TSPAN19: variants seen among roughly 807,000 people sequenced by gnomAD.
TSPAN19 encodes the protein tetraspanin-19.
TSPAN19 carries 44 observed loss-of-function variants against 35.1 expected under a neutral mutation model. The observed-to-expected ratio is 1.25, with a 90% CI of 0.98 to 1.61. The LOEUF is 1.61. Ranked by LOEUF, TSPAN19 falls within the 40% of genes most tolerant of loss-of-function variation. TSPAN19 has a pLI of 0.00. For synonymous variants in TSPAN19, 79 were observed against 92.0 expected, an observed-to-expected ratio of 0.86 and a Z score of 0.81; for missense variants, 290 against 280.0, an observed-to-expected ratio of 1.04 and a Z score of -0.26.
chr12:85,030,938 AGC>A (rs1188426972), intron 1 of TSPAN19, among the ~76,000 whole-genome samples: 1 of 152,154 alleles, frequency 6.6e-6, no homozygotes, highest in Non-Finnish European at 1.5e-5. Context: ...TAATATATGT[AGC>A]GCATGATTGA....
In TSPAN19 at chr12:85,029,682, CTA is replaced by C. The variant is rs148363900; in HGVS notation, c.139+35_139+36del. ...TATACAACTGTTAAAAATTGAATGT[CTA>C]TTTCACTGAGAGAAAAACAAAAATA... On this transcript the variant is annotated intron_variant, in intron 3 of 8. Transcript: ENST00000532498. 5.2e-3 allele frequency: 7,570 copies of C among 1,447,066 alleles called. 343 individuals carry two copies. In the African/African-American group the frequency reaches 0.097, roughly 19 times the overall value. 89.6% of individuals were successfully genotyped at this position (1,447,066 alleles called of 1,614,324 possible).
intron 3 of TSPAN19, among the ~76,000 whole-genome samples, chr12:85,029,173 T>C (rs1387405614): frequency 6.6e-6 from 1 of 152,180 alleles, no homozygotes; most frequent in Non-Finnish European, 1.5e-5. Context: ...TACCATATCC[T>C]CAGCTCTTAG....
At chr12:85,033,604 T>TGTCTC (rs1877784318) in intron 1 of TSPAN19, among the ~76,000 whole-genome samples, 1 of 152,116 alleles carries the variant, frequency 6.6e-6, no homozygotes, top group Admixed American at 6.6e-5. Flanking sequence ...ATTGTCTCAT[T>TGTCTC]TAAATTGATT....
chr12:85,020,976 A>G (rs1454049125), intron 5 of TSPAN19, among the ~76,000 whole-genome samples: 1 of 152,090 alleles, frequency 6.6e-6, no homozygotes, highest in Non-Finnish European at 1.5e-5. Context: ...TACTAACACA[A>G]AAATGATCAG....
chr12:85,018,615 T>C (rs1000688336), intron 6 of TSPAN19, among the ~76,000 whole-genome samples: 3 of 151,948 alleles, frequency 2.0e-5, no homozygotes, highest in African/African-American at 7.2e-5. Context: ...AGTAAAAGTA[T>C]TTGTAATTAC....
intron 1 of TSPAN19, among the ~76,000 whole-genome samples, chr12:85,032,553 A>G (rs1418318997): frequency 1.3e-5 from 2 of 152,156 alleles, no homozygotes; most frequent in Non-Finnish European, 2.9e-5. Context: ...CTGTGGTTCA[A>G]GGTTACAAAG....
intron 4 of TSPAN19, among the ~76,000 whole-genome samples, chr12:85,024,979 A>G (rs1157238443): frequency 6.6e-6 from 1 of 151,746 alleles, no homozygotes. Flanking sequence ...TCTTCTTGAG[A>G]TAAGTTATGT....
chr12:85,026,037 T>C (rs778839821), intron 4 of TSPAN19, among the ~76,000 whole-genome samples: 7 of 152,166 alleles, frequency 4.6e-5, no homozygotes, highest in Admixed American at 4.6e-4. Context: ...ATCTGTCAGA[T>C]CCTATGTTCA....
At chr12:85,031,523 T>C (rs1418567609) in intron 1 of TSPAN19, among the ~76,000 whole-genome samples, 1 of 152,084 alleles carries the variant, frequency 6.6e-6, no homozygotes, top group Non-Finnish European at 1.5e-5. Context: ...TGAGTGTTGA[T>C]GTGGTAATAA....
chr12:85,018,122 T>C (rs1334062687), intron 6 of TSPAN19, among the ~76,000 whole-genome samples: 2 of 151,844 alleles, frequency 1.3e-5, no homozygotes, highest in African/African-American at 2.4e-5. Flanking sequence ...ATAAAAATAG[T>C]CATAAAATGA....
At chr12:85,023,215 A>T in intron 5 of TSPAN19, 111 bp downstream of exon 5, 3 of 908,318 alleles carry the variant, frequency 3.3e-6, no homozygotes, top group Non-Finnish European at 5.0e-6. Context: ...CCCCTAAAGA[A>T]ATTTACCTTT....
chr12:85,030,922 A>G (rs181932773), intron 1 of TSPAN19, among the ~76,000 whole-genome samples: 22 of 152,228 alleles, frequency 1.4e-4, no homozygotes, highest in Admixed American at 3.9e-4. Context: ...GTAGTTTACA[A>G]TGTTTTAATA....
chr12:85,035,121 A>G (rs1877896540), intron 1 of TSPAN19: 1 of 152,102 alleles, frequency 6.6e-6, no homozygotes, highest in Non-Finnish European at 1.5e-5. Flanking sequence ...GTTCGAACAC[A>G]GTAGCTCATA....
chr12:85,024,979 ATAAGT>A (rs1194768888), intron 4 of TSPAN19, among the ~76,000 whole-genome samples: 1 of 151,746 alleles, frequency 6.6e-6, no homozygotes, highest in Non-Finnish European at 1.5e-5. Flanking sequence ...TCTTCTTGAG[ATAAGT>A]TATGTTTCCT....
intron 7 of TSPAN19, chr12:85,016,226 AT>A (rs1433651314): frequency 1.2e-5 from 4 of 329,656 alleles, no homozygotes; most frequent in Non-Finnish European, 2.2e-5. Flanking sequence ...TTAGAAAGAG[AT>A]TTTCTCTTCT....
chr12:85,014,764 A>G, intron 8 of TSPAN19: 1 of 429,640 alleles, frequency 2.3e-6, no homozygotes, highest in Non-Finnish European at 4.2e-6. Context: ...TACCAAGTTC[A>G]CGTACAGAGG....
chr12:85,026,240 C>T (rs1274082619), intron 4 of TSPAN19, among the ~76,000 whole-genome samples: 2 of 151,824 alleles, frequency 1.3e-5, no homozygotes, highest in African/African-American at 4.8e-5. Flanking sequence ...AAATTTGTGA[C>T]AAGAAGAAAA....
intron 4 of TSPAN19, chr12:85,024,636 G>C (rs1003483655): frequency 6.5e-6 from 1 of 153,076 alleles, no homozygotes. Context: ...AATTAGCCAG[G>C]CATGGTGGCT....
At chr12:85,022,388 A>G (rs1877175266) in intron 5 of TSPAN19, among the ~76,000 whole-genome samples, 1 of 152,134 alleles carries the variant, frequency 6.6e-6, no homozygotes, top group South Asian at 2.1e-4. Flanking sequence ...TTTGGCCATT[A>G]CAGAAGAGTA....
Sources: gnomAD v4.1 joint callset for allele counts (sites outside exome capture counted in the v4.1 genomes callset) on GRCh38, gnomAD v4.1.1 for gene constraint, MANE v1.5 for transcripts, NCBI Gene and HGNC (gene_info 2026-07-23, HGNC 2026-07-21) for gene names.